Variants in MBD5 observed in about 807,000 individuals in gnomAD.
The protein encoded by MBD5 is methyl-CpG binding domain protein 5.
Under a neutral mutation model 117.3 loss-of-function variants are expected in MBD5, and 13 were observed. The observed-to-expected ratio is 0.11, with a 90% CI of 0.07 to 0.18. The LOEUF (loss-of-function observed/expected upper bound fraction) is 0.18, where lower values mean the gene tolerates loss of function less well. Among genes scored for constraint, MBD5 ranks in the 10% least tolerant of loss-of-function variants. The probability of loss-of-function intolerance (pLI) is 1.00; values close to 1 mark genes in which losing one functional copy is unlikely to be tolerated. For synonymous variants in MBD5, 727 were observed against 766.4 expected, an observed-to-expected ratio of 0.95 and a Z score of 0.85; for missense variants, 1,879 against 2,093.8, an observed-to-expected ratio of 0.90 and a Z score of 2.00.
intron 1 of MBD5, among the ~76,000 whole-genome samples, chr2:148,154,804 C>T (rs572933125): frequency 6.6e-6 from 1 of 152,268 alleles, no homozygotes; most frequent in East Asian, 1.9e-4. Flanking sequence ...GCACGGTGCA[C>T]ACACCCACTG....
At chr2:148,225,291 A>G (rs1178603531) in intron 2 of MBD5, among the ~76,000 whole-genome samples, 1 of 145,346 alleles carries the variant, frequency 6.9e-6, no homozygotes, top group African/African-American at 2.5e-5. Flanking sequence ...ATAACAACTT[A>G]ACACTGTTTA....
chr2:148,245,454 G>A (rs1355826249), intron 3 of MBD5, among the ~76,000 whole-genome samples: 1 of 152,042 alleles, frequency 6.6e-6, no homozygotes, highest in Non-Finnish European at 1.5e-5. Flanking sequence ...GAGTGTGGTG[G>A]TGTGTGCCGG....
intron 4 of MBD5, among the ~76,000 whole-genome samples, chr2:148,362,491 G>C (rs573536701): frequency 6.6e-5 from 10 of 152,280 alleles, no homozygotes; most frequent in African/African-American, 1.9e-4. Context: ...CCCAGTCAGG[G>C]ACATATACAT....
chr2:148,436,663 C>T (rs1352486372), intron 4 of MBD5, among the ~76,000 whole-genome samples: 3 of 152,144 alleles, frequency 2.0e-5, no homozygotes, highest in East Asian at 3.8e-4. Flanking sequence ...TGAGCCACCA[C>T]GCTTGGCCCT....
chr2:148,321,552 C>T (rs1042782964), intron 3 of MBD5, among the ~76,000 whole-genome samples: 2 of 152,142 alleles, frequency 1.3e-5, no homozygotes, highest in African/African-American at 4.8e-5. Context: ...TCCCTACTAA[C>T]TTGCCTATGA....
chr2:148,424,159 C>A (rs1705698220), intron 4 of MBD5, among the ~76,000 whole-genome samples: 2 of 92,142 alleles, frequency 2.2e-5, no homozygotes, highest in Non-Finnish European at 2.1e-5. Context: ...GCCTGGGCAA[C>A]AGAGCAAGAC....
chr2:148,086,692 T>G (rs1019804582), intron 1 of MBD5, among the ~76,000 whole-genome samples: 12 of 152,092 alleles, frequency 7.9e-5, no homozygotes, highest in African/African-American at 2.7e-4. Context: ...GGATACAGAA[T>G]AGGGGTGGGA....
At chr2:148,151,411 G>A (rs1232472584) in intron 1 of MBD5, among the ~76,000 whole-genome samples, 1 of 151,982 alleles carries the variant, frequency 6.6e-6, no homozygotes, top group African/African-American at 2.4e-5. Flanking sequence ...CTCTTTTTTG[G>A]TTGTGTCTCT....
intron 2 of MBD5, among the ~76,000 whole-genome samples, chr2:148,213,917 A>G (rs1279974939): frequency 6.6e-6 from 1 of 152,178 alleles, no homozygotes; most frequent in Non-Finnish European, 1.5e-5. Context: ...TAAATAATTT[A>G]AACCTGTATA....
chr2:148,364,002 A>G (rs1051224940), intron 4 of MBD5, among the ~76,000 whole-genome samples: 4 of 152,172 alleles, frequency 2.6e-5, no homozygotes, highest in Admixed American at 6.5e-5. Flanking sequence ...AGAACGCCAC[A>G]AAGATACTCC....
intron 1 of MBD5, among the ~76,000 whole-genome samples, chr2:148,142,105 A>T (rs1697332131): frequency 6.6e-6 from 1 of 152,234 alleles, no homozygotes; most frequent in Admixed American, 6.5e-5. Context: ...ATGAGACTCA[A>T]GACTGAGAAG....
rs532977347 is a variant in MBD5 at position 148,466,732 on chromosome 2, T to C, written c.398-1609T>C. On this transcript the variant is annotated intron_variant, in intron 7 of 13. Coordinates refer to ENST00000642680, the MANE Select transcript of MBD5 (RefSeq NM_001378120.1). ...CTCTCATATCATTGGATCTCAACTTTTCATATATTATATCCAGAAATCATT... is the reference window on the plus strand; with the variant it reads ...CTCTCATATCATTGGATCTCAACTTCTCATATATTATATCCAGAAATCATT... Among the ~76,000 whole-genome samples, 4 of 152,284 alleles carry C rather than the reference T, an allele frequency of 2.6e-5. No individual in the cohort carries two copies. The South Asian group carries it at 8.3e-4, about 32-fold the overall frequency.
At chr2:148,134,630 C>G (rs1206948996) in intron 1 of MBD5, among the ~76,000 whole-genome samples, 1 of 152,140 alleles carries the variant, frequency 6.6e-6, no homozygotes, top group Non-Finnish European at 1.5e-5. Flanking sequence ...AATTAGACCT[C>G]TAGGATGCTT....
chr2:148,445,724 A>C (rs1290266371), intron 4 of MBD5, among the ~76,000 whole-genome samples: 1 of 151,384 alleles, frequency 6.6e-6, no homozygotes, highest in Non-Finnish European at 1.5e-5. Context: ...CGACTTCCAC[A>C]ATGGTTGAAC....
intron 1 of MBD5, among the ~76,000 whole-genome samples, chr2:148,113,214 G>A (rs939103740): frequency 3.3e-5 from 5 of 152,094 alleles, no homozygotes; most frequent in Admixed American, 2.6e-4. Context: ...TAAATAGGTG[G>A]TATGACCTGC....
chr2:148,370,302 T>C (rs1703814483), intron 4 of MBD5, among the ~76,000 whole-genome samples: 1 of 152,150 alleles, frequency 6.6e-6, no homozygotes, highest in Admixed American at 6.6e-5. Flanking sequence ...TATATTTTCT[T>C]ACTTTAATAT....
At chr2:148,155,141 A>C (rs925040393) in intron 1 of MBD5, among the ~76,000 whole-genome samples, 2 of 152,226 alleles carry the variant, frequency 1.3e-5, no homozygotes, top group Non-Finnish European at 2.9e-5. Flanking sequence ...AATGAGCGGG[A>C]AAGATTGCTA....
At chr2:148,080,927 G>A (rs1441052158) in intron 1 of MBD5, among the ~76,000 whole-genome samples, 1 of 152,080 alleles carries the variant, frequency 6.6e-6, no homozygotes, top group Non-Finnish European at 1.5e-5. Context: ...CTTTTATGAT[G>A]AGAAGAATAA....
At chr2:148,423,068 G>A (rs1243436447) in intron 4 of MBD5, among the ~76,000 whole-genome samples, 1 of 152,080 alleles carries the variant, frequency 6.6e-6, no homozygotes, top group Non-Finnish European at 1.5e-5. Context: ...TCAAATTCAG[G>A]AAATACAGAG....
Sources: gnomAD v4.1 joint callset for allele counts (sites outside exome capture counted in the v4.1 genomes callset) on GRCh38, gnomAD v4.1.1 for gene constraint, MANE v1.5 for transcripts, NCBI Gene and HGNC (gene_info 2026-07-23, HGNC 2026-07-21) for gene names.